AMZ2: variants seen among roughly 807,000 people sequenced by gnomAD.
The protein encoded by AMZ2 is archaemetzincin-2.
In AMZ2, 26 loss-of-function variants were observed where a neutral mutation model predicts 36.7. The observed-to-expected ratio is 0.71, with a 90% CI of 0.52 to 0.98. The LOEUF is 0.98. AMZ2 is among the 50% of genes least tolerant of loss of function. The probability of loss-of-function intolerance (pLI) is 0.00; values close to 1 mark genes in which losing one functional copy is unlikely to be tolerated. For synonymous variants in AMZ2, 144 were observed against 149.1 expected (o/e 0.97, Z 0.25); for missense variants, 394 against 430.5 (o/e 0.92, Z 0.75).
intron 1 of AMZ2, among the ~76,000 whole-genome samples, chr17:68,230,650 A>G (rs1555731024): frequency 6.6e-6 from 1 of 152,208 alleles, no homozygotes; most frequent in East Asian, 1.9e-4. Flanking sequence ...AGAATGGCTC[A>G]CACCTAGGAG....
chr17:68,217,011 C>T (rs1409257784), intron 1 of AMZ2, among the ~76,000 whole-genome samples: 17 of 141,370 alleles, frequency 1.2e-4, no homozygotes, highest in South Asian at 6.6e-4. Flanking sequence ...CCAGCCTGGG[C>T]GACAGAGCGA....
chr17:68,234,053 C>T (rs1385318834), intron 1 of AMZ2, among the ~76,000 whole-genome samples: 5 of 152,108 alleles, frequency 3.3e-5, no homozygotes, highest in East Asian at 1.9e-4. Flanking sequence ...AAGTAGCATT[C>T]GGGCTCGGTG....
chr17:68,236,671 A>G (rs569985743), intron 1 of AMZ2, among the ~76,000 whole-genome samples: 13 of 146,886 alleles, frequency 8.9e-5, no homozygotes, highest in African/African-American at 3.3e-4. Context: ...TCCCAGGCTC[A>G]GGTGATTCTC....
At chr17:68,211,794 A>ATGTATATATGTATGTGTATG (rs2073066261) in intron 1 of AMZ2, among the ~76,000 whole-genome samples, 1 of 87,832 alleles carries the variant, frequency 1.1e-5, no homozygotes, top group African/African-American at 5.4e-5. Context: ...GTATATGTAT[A>ATGTATATATGTATGTGTATG]TATGTGTATA....
intron 1 of AMZ2, among the ~76,000 whole-genome samples, chr17:68,210,188 A>G (rs1482635218): frequency 1.3e-5 from 2 of 152,242 alleles, no homozygotes; most frequent in African/African-American, 4.8e-5. Flanking sequence ...TCATACATAT[A>G]TAGTCAAAAA....
chr17:68,249,035 T>C, intron 1 of AMZ2: 1 of 1,176,974 alleles, frequency 8.5e-7, no homozygotes, highest in Non-Finnish European at 1.1e-6. Context: ...ATCGGACCCA[T>C]TCAAGAGGAA....
chr17:68,251,076 A>C lies in AMZ2; in HGVS notation c.484A>C (p.Lys162Gln). ...AGDILKFLKKKKPEDAFCVVG... is the reference protein window; with the variant it reads ...AGDILKFLKKQKPEDAFCVVG... The stretch of plus-strand genomic sequence containing the variant: ...GGACATCCTGAAGTTCTTGAAAAAG[A>C]AGAAACCTGAAGATGCCTTCTGTGT... Residue 162 changes from lysine (K) to glutamine (Q), a missense_variant, in exon 4 of 7, where the codon AAG becomes CAG. By Grantham distance (53) the Lys-to-Gln change is moderately conservative (BLOSUM62 1). Transcript: ENST00000359904. 6.2e-7 allele frequency: 1 copy of C among 1,611,226 alleles called. No individual in the cohort carries two copies. Among genetic ancestry groups the C allele is most frequent in the Non-Finnish European group, 8.5e-7 (1 of 1,179,346 alleles).
At chr17:68,206,351 C>T in intron 1 of AMZ2, 1 of 1,105,228 alleles carries the variant, frequency 9.0e-7, no homozygotes, top group Non-Finnish European at 1.1e-6. Context: ...CCCGCCTCCC[C>T]CCCAAACAGA....
chr17:68,214,209 C>G (rs2073138433), intron 1 of AMZ2, among the ~76,000 whole-genome samples: 2 of 152,054 alleles, frequency 1.3e-5, no homozygotes. Flanking sequence ...TGGGCCTTAT[C>G]AATTTTGACT....
chr17:68,208,896 C>T (rs2072929173), intron 1 of AMZ2, among the ~76,000 whole-genome samples: 1 of 151,388 alleles, frequency 6.6e-6, no homozygotes, highest in African/African-American at 2.5e-5. Flanking sequence ...AAGGAAGAAA[C>T]TCCAAACACA....
chr17:68,244,644 GA>G (rs2073964973), upstream of AMZ2, among the ~76,000 whole-genome samples: 3 of 152,174 alleles, frequency 2.0e-5, no homozygotes. Context: ...TAGAGACAGA[GA>G]TAAAGACACA....
upstream of AMZ2, among the ~76,000 whole-genome samples, chr17:68,245,239 G>T (rs1161448514): frequency 1.3e-5 from 2 of 150,944 alleles, no homozygotes; most frequent in African/African-American, 4.9e-5. Context: ...AAGCACTAAG[G>T]TGTTTATTTG....
chr17:68,242,036 A>C (rs58836469), intron 1 of AMZ2, among the ~76,000 whole-genome samples: 33,169 of 151,340 alleles, frequency 0.22, 4,090 homozygotes, highest in East Asian at 0.41. Context: ...GAGCCATTGC[A>C]CCCGGTCCAT....
At position 68,239,052 on chromosome 17, in the gene AMZ2, G is replaced by C. The variant is rs144909421; in HGVS notation, c.-66-9588G>C. Among the ~76,000 whole-genome samples, 91 of 152,246 alleles carry C rather than the reference G, an allele frequency of 6.0e-4. 1 individual carries two copies. The East Asian group carries it at 0.017, about 28-fold the overall frequency. Reference sequence around the variant, plus strand: ...GAAACCATTTTTCTCAGGGTGACTGGGTTCTCAGTTTTGCTTGTACAGTGC... The same window carrying C: ...GAAACCATTTTTCTCAGGGTGACTGCGTTCTCAGTTTTGCTTGTACAGTGC... On this transcript the variant is annotated intron_variant, in intron 1 of 7. Transcript: ENST00000674770.
chr17:68,229,374 G>T (rs1230665962), intron 1 of AMZ2, among the ~76,000 whole-genome samples: 5 of 152,204 alleles, frequency 3.3e-5, no homozygotes, highest in African/African-American at 1.2e-4. Context: ...CTCACAGGGA[G>T]TTCCTGCTCA....
chr17:68,215,080 A>C (rs1420798193), intron 1 of AMZ2, among the ~76,000 whole-genome samples: 1 of 152,232 alleles, frequency 6.6e-6, no homozygotes, highest in African/African-American at 2.4e-5. Flanking sequence ...CACTGCGTCC[A>C]GACTAACAAT....
Position 68,228,400 on chromosome 17 carries a change from G to A in AMZ2, c.-66-20240G>A, listed in dbSNP as rs140731029. 7.6e-3 allele frequency among the ~76,000 whole-genome samples: 1,159 copies of A among 152,270 alleles called. 13 individuals are homozygous for A. Among genetic ancestry groups the A allele is most frequent in the African/African-American group, 0.026 (1,060 of 41,542 alleles). ...TGGGGTCACATGGTGATTTCATGGC[G>A]AGACTGGACCACAGCCCAGGCCCCT... On this transcript the variant is annotated intron_variant, in intron 1 of 7. Coordinates refer to the AMZ2 transcript ENST00000674770.
At chr17:68,209,473 C>T (rs1443999965) in intron 1 of AMZ2, among the ~76,000 whole-genome samples, 1 of 151,668 alleles carries the variant, frequency 6.6e-6, no homozygotes, top group African/African-American at 2.4e-5. Context: ...GGATTACAGG[C>T]GTGAGCCACT....
At chr17:68,221,209 T>TCCCCCCCCCCCCCCCCCCCC (rs55937321) in intron 1 of AMZ2, among the ~76,000 whole-genome samples, 16 of 66,776 alleles carry the variant, frequency 2.4e-4, no homozygotes, top group African/African-American at 4.1e-4. Flanking sequence ...AGCCCTCAGC[T>TCCCCCCCCCCCCCCCCCCCC]CCCCCCCCCG....
Sources: gnomAD v4.1 joint callset for allele counts (sites outside exome capture counted in the v4.1 genomes callset) on GRCh38, gnomAD v4.1.1 for gene constraint, MANE v1.5 for transcripts, NCBI Gene and HGNC (gene_info 2026-07-23, HGNC 2026-07-21) for gene names.